Variants in RPH3AL observed in about 807,000 individuals in gnomAD.
RPH3AL encodes rabphilin 3A like (without C2 domains).
RPH3AL carries 38 observed loss-of-function variants against 43.1 expected under a neutral mutation model. That is an observed-to-expected ratio of 0.88 (90% CI 0.68 to 1.15). The LOEUF is 1.15. RPH3AL is among the 50% of genes most tolerant of loss of function. RPH3AL has a pLI of 0.00. For synonymous variants in RPH3AL, 189 were observed against 176.3 expected, an observed-to-expected ratio of 1.07 and a Z score of -0.57; for missense variants, 462 against 423.2, an observed-to-expected ratio of 1.09 and a Z score of -0.81.
At chr17:235,874 G>A (rs968702372) in intron 7 of RPH3AL, among the ~76,000 whole-genome samples, 32 of 140,306 alleles carry the variant, frequency 2.3e-4, no homozygotes, top group East Asian at 1.5e-3. Context: ...GGGGTCGGCC[G>A]AGGCTCTGCA....
At chr17:331,693 C>A in intron 2 of RPH3AL, 1 of 1,287,922 alleles carries the variant, frequency 7.8e-7, no homozygotes, top group Non-Finnish European at 1.0e-6. Flanking sequence ...TCAGCCGACC[C>A]CCATGCCCGG....
chr17:292,226 G>A (rs965927831), intron 5 of RPH3AL, among the ~76,000 whole-genome samples: 47 of 152,168 alleles, frequency 3.1e-4, no homozygotes, highest in African/African-American at 1.1e-3. Context: ...CTCAGCCCCT[G>A]AAGTGCCATC....
intron 7 of RPH3AL, among the ~76,000 whole-genome samples, chr17:235,369 C>T (rs1291263603): frequency 1.4e-5 from 2 of 142,630 alleles, no homozygotes; most frequent in Non-Finnish European, 3.0e-5. Context: ...AAGCTGGGGT[C>T]GGCCGAGGCT....
intron 6 of RPH3AL, among the ~76,000 whole-genome samples, chr17:269,469 C>T (rs1207455900): frequency 6.6e-6 from 1 of 152,212 alleles, no homozygotes; most frequent in Non-Finnish European, 1.5e-5. Context: ...CGAACAGTGC[C>T]CGGCACATAG....
chr17:228,777 ATCC>A (rs1233555757), intron 7 of RPH3AL, among the ~76,000 whole-genome samples: 1 of 151,748 alleles, frequency 6.6e-6, no homozygotes, highest in East Asian at 2.0e-4. Context: ...CCCCTCAGAA[ATCC>A]TCCTCTCCAG....
chr17:348,241 A>G (rs1463904155), intron 1 of RPH3AL, among the ~76,000 whole-genome samples: 1 of 152,224 alleles, frequency 6.6e-6, no homozygotes, highest in Non-Finnish European at 1.5e-5. Context: ...GGCGTGGAAC[A>G]GGAAGGATGA....
intron 1 of RPH3AL, among the ~76,000 whole-genome samples, chr17:348,283 C>A (rs12940158): frequency 0.26 from 40,231 of 152,026 alleles, 5,993 homozygotes; most frequent in Non-Finnish European, 0.34. Context: ...TTGAAGGCAG[C>A]AAAGCCATTA....
chr17:307,479 C>G (rs1249903163), intron 5 of RPH3AL, among the ~76,000 whole-genome samples: 1 of 152,230 alleles, frequency 6.6e-6, no homozygotes, highest in African/African-American at 2.4e-5. Context: ...CTGCCTTCTA[C>G]TTCTACAGCA....
intron 7 of RPH3AL, among the ~76,000 whole-genome samples, chr17:243,377 C>A (rs1258631733): frequency 2.1e-5 from 3 of 142,910 alleles, no homozygotes; most frequent in African/African-American, 5.2e-5. Flanking sequence ...ATTACCCTTC[C>A]TCTATTGATT....
chr17:285,780 C>G (rs559426902), intron 5 of RPH3AL, among the ~76,000 whole-genome samples: 63 of 152,334 alleles, frequency 4.1e-4, no homozygotes, highest in African/African-American at 1.4e-3. Flanking sequence ...AACCTGCCAA[C>G]AGCCTGCTCC....
rs1386073222 is a variant in RPH3AL, at chr17:235,692, GACAGGTC to G, written c.613+11412_613+11418del. ...GTCAGCGGAGGCTCTACACTAACAA[GACAGGTC>G]CCGGGTTCAAAGCTGGGGTCAGCGG... On this transcript the variant is annotated intron_variant, in intron 7 of 9. Transcript: ENST00000331302. Among the ~76,000 whole-genome samples the G allele has an allele frequency of 5.6e-5, 3 of 53,878 alleles. 1 individual carries two copies. The highest frequency in any genetic ancestry group is 2.2e-4 in the African/African-American group (3 of 13,550). 35.3% of individuals were successfully genotyped at this position (53,878 alleles called of 152,430 possible).
intron 5 of RPH3AL, among the ~76,000 whole-genome samples, chr17:304,352 A>T (rs1348336795): frequency 6.6e-6 from 1 of 152,036 alleles, no homozygotes; most frequent in Non-Finnish European, 1.5e-5. Flanking sequence ...GAATGAGCCC[A>T]GGCCGGGAGG....
intron 1 of RPH3AL, among the ~76,000 whole-genome samples, chr17:348,301 C>T (rs1278170979): frequency 2.0e-5 from 3 of 152,154 alleles, no homozygotes; most frequent in African/African-American, 7.2e-5. Flanking sequence ...TTATTCTCCC[C>T]ACATGTCCTT....
At chr17:261,432 T>A (rs10454094) in intron 6 of RPH3AL, among the ~76,000 whole-genome samples, 24,089 of 152,196 alleles carry the variant, frequency 0.16, 1,966 homozygotes, top group East Asian at 0.21. Context: ...GGGATCCGAA[T>A]TCACCAGGGA....
chr17:299,175 G>T (rs2043258988), intron 5 of RPH3AL, among the ~76,000 whole-genome samples: 1 of 152,130 alleles, frequency 6.6e-6, no homozygotes, highest in African/African-American at 2.4e-5. Context: ...AACCCAGTGG[G>T]GGCCCTGCAA....
intron 3 of RPH3AL, among the ~76,000 whole-genome samples, chr17:325,232 T>G (rs2044592249): frequency 6.6e-6 from 1 of 152,096 alleles, no homozygotes; most frequent in African/African-American, 2.4e-5. Flanking sequence ...CCAAAACAGG[T>G]AAAGAATCTA....
intron 5 of RPH3AL, among the ~76,000 whole-genome samples, chr17:317,648 A>G (rs1351269698): frequency 6.6e-6 from 1 of 152,196 alleles, no homozygotes; most frequent in Admixed American, 6.5e-5. Context: ...TTTTTGGGCC[A>G]GTTAATCCAC....
chr17:227,480 T>C (rs2041133945), intron 7 of RPH3AL, among the ~76,000 whole-genome samples: 1 of 151,950 alleles, frequency 6.6e-6, no homozygotes, highest in Non-Finnish European at 1.5e-5. Flanking sequence ...GCTGGGGATG[T>C]GGGGGCCCTG....
chr17:303,514 G>A (rs2043385924), intron 5 of RPH3AL, among the ~76,000 whole-genome samples: 2 of 131,734 alleles, frequency 1.5e-5, no homozygotes, highest in African/African-American at 2.7e-5. Flanking sequence ...AATAATTATT[G>A]AGCAGTGACC....
Sources: gnomAD v4.1 joint callset for allele counts (sites outside exome capture counted in the v4.1 genomes callset) on GRCh38, gnomAD v4.1.1 for gene constraint, MANE v1.5 for transcripts, NCBI Gene and HGNC (gene_info 2026-07-23, HGNC 2026-07-21) for gene names.